TMEM132B: variants seen among roughly 807,000 people sequenced by gnomAD.
TMEM132B encodes transmembrane protein 132B.
TMEM132B carries 18 observed loss-of-function variants against 90.8 expected under a neutral mutation model. That is an observed-to-expected ratio of 0.20 (90% confidence interval 0.14 to 0.29). The LOEUF (loss-of-function observed/expected upper bound fraction) is 0.29, where lower values mean the gene tolerates loss of function less well. Ranked by LOEUF, TMEM132B falls within the 10% of genes least tolerant of loss-of-function variation. TMEM132B has a pLI of 1.00. For missense variants in TMEM132B, 1,096 were observed against 1,326.8 expected (o/e 0.83, Z 2.70); for synonymous variants, 504 against 523.3 (o/e 0.96, Z 0.50).
intron 5 of TMEM132B, among the ~76,000 whole-genome samples, chr12:125,619,311 C>T (rs1177440518): frequency 6.6e-6 from 1 of 151,792 alleles, no homozygotes; most frequent in Non-Finnish European, 1.5e-5. Context: ...GGACCACCTG[C>T]CTGCTGTGGC....
intron 3 of TMEM132B, among the ~76,000 whole-genome samples, chr12:125,430,573 A>T (rs747856906): frequency 4.6e-5 from 7 of 152,166 alleles, no homozygotes; most frequent in Non-Finnish European, 1.0e-4. Flanking sequence ...TGGTAGGTTG[A>T]TGGCCTGGGC....
At chr12:125,552,288 T>G (rs980733058) in intron 4 of TMEM132B, among the ~76,000 whole-genome samples, 2 of 152,206 alleles carry the variant, frequency 1.3e-5, no homozygotes, top group Non-Finnish European at 2.9e-5. Flanking sequence ...CAAGCTTGTG[T>G]TCTTCTGCAG....
intron 5 of TMEM132B, among the ~76,000 whole-genome samples, chr12:125,602,791 C>T (rs1885602224): frequency 6.6e-6 from 1 of 152,092 alleles, no homozygotes; most frequent in Non-Finnish European, 1.5e-5. Flanking sequence ...AATCAATATG[C>T]AAAAATCACA....
At chr12:125,496,345 C>G (rs1162749331) in intron 3 of TMEM132B, among the ~76,000 whole-genome samples, 2 of 152,132 alleles carry the variant, frequency 1.3e-5, no homozygotes, top group African/African-American at 4.8e-5. Context: ...GCACTTGACA[C>G]AATTTATTGC....
intron 1 of TMEM132B, among the ~76,000 whole-genome samples, chr12:125,208,124 C>G (rs530184643): frequency 9.9e-5 from 15 of 152,280 alleles, no homozygotes; most frequent in Admixed American, 8.5e-4. Flanking sequence ...GTACACAGAT[C>G]ACACAGAGCC....
intron 4 of TMEM132B, among the ~76,000 whole-genome samples, chr12:125,545,004 A>G (rs1408985085): frequency 1.3e-5 from 2 of 152,226 alleles, no homozygotes; most frequent in African/African-American, 4.8e-5. Flanking sequence ...TGTGTGATTC[A>G]GAGAATATAA....
intron 3 of TMEM132B, among the ~76,000 whole-genome samples, chr12:125,504,717 A>G (rs1165429518): frequency 6.6e-6 from 1 of 152,178 alleles, no homozygotes; most frequent in African/African-American, 2.4e-5. Context: ...CAAAAGCAGC[A>G]GACACTTGCA....
chr12:125,304,869 T>G (rs1175311058), intron 1 of TMEM132B, among the ~76,000 whole-genome samples: 1 of 152,150 alleles, frequency 6.6e-6, no homozygotes, highest in Admixed American at 6.6e-5. Flanking sequence ...TCTTCTTTGC[T>G]GCTGCTTCAC....
At chr12:125,378,801 G>A (rs1878572039) in intron 2 of TMEM132B, among the ~76,000 whole-genome samples, 1 of 152,188 alleles carries the variant, frequency 6.6e-6, no homozygotes, top group South Asian at 2.1e-4. Flanking sequence ...AGGTGAAAGG[G>A]GCAAGTTGAC....
intron 3 of TMEM132B, among the ~76,000 whole-genome samples, chr12:125,485,710 T>G (rs1246789263): frequency 6.6e-6 from 1 of 152,196 alleles, no homozygotes; most frequent in Non-Finnish European, 1.5e-5. Flanking sequence ...CTGGGTATAT[T>G]CTCCGGAAGC....
At chr12:125,419,182 A>T (rs1190637342) in intron 3 of TMEM132B, among the ~76,000 whole-genome samples, 3 of 152,206 alleles carry the variant, frequency 2.0e-5, no homozygotes, top group Non-Finnish European at 2.9e-5. Flanking sequence ...AGACTTCTTC[A>T]AAAAAACAGG....
intron 4 of TMEM132B, among the ~76,000 whole-genome samples, chr12:125,527,972 C>T (rs948598841): frequency 3.9e-5 from 6 of 152,174 alleles, no homozygotes; most frequent in Admixed American, 2.0e-4. Flanking sequence ...AGCAGAGCAG[C>T]ACAGATGGTC....
chr12:125,200,301 C>CA (rs1487783505), intron 1 of TMEM132B, among the ~76,000 whole-genome samples: 1 of 152,126 alleles, frequency 6.6e-6, no homozygotes, highest in Non-Finnish European at 1.5e-5. Context: ...CCTTTTTGAC[C>CA]AATTTCATAT....
intron 2 of TMEM132B, among the ~76,000 whole-genome samples, chr12:125,399,506 T>C (rs1241270732): frequency 1.4e-5 from 2 of 145,730 alleles, no homozygotes; most frequent in African/African-American, 5.1e-5. Flanking sequence ...TGTGTGTGTG[T>C]GTGTGTGTGT....
intron 2 of TMEM132B, among the ~76,000 whole-genome samples, chr12:125,350,777 T>C (rs1877543714): frequency 6.6e-6 from 1 of 152,226 alleles, no homozygotes; most frequent in South Asian, 2.1e-4. Flanking sequence ...CTTGGGAGGA[T>C]GCGTCTTAGT....
At chr12:125,603,823 C>T (rs1340735796) in intron 5 of TMEM132B, among the ~76,000 whole-genome samples, 2 of 152,180 alleles carry the variant, frequency 1.3e-5, no homozygotes, top group African/African-American at 4.8e-5. Flanking sequence ...GACATTTATG[C>T]AGCCAACAAA....
chr12:125,370,176 A>G (rs549281245), intron 2 of TMEM132B, among the ~76,000 whole-genome samples: 11 of 152,318 alleles, frequency 7.2e-5, no homozygotes, highest in African/African-American at 2.4e-4. Flanking sequence ...AGGAACCCCA[A>G]AGAACACTGA....
intron 2 of TMEM132B, among the ~76,000 whole-genome samples, chr12:125,409,521 C>T (rs1003031260): frequency 6.6e-6 from 1 of 151,800 alleles, no homozygotes; most frequent in Admixed American, 6.6e-5. Flanking sequence ...TAATTGTGTC[C>T]CAAGCCTCAG....
intron 3 of TMEM132B, among the ~76,000 whole-genome samples, chr12:125,515,262 A>G (rs757911681): frequency 6.6e-6 from 1 of 151,574 alleles, no homozygotes; most frequent in Admixed American, 6.6e-5. Context: ...ACACACATTC[A>G]TACATTCACT....
Sources: allele counts gnomAD v4.1 joint callset (sites outside exome capture counted in the v4.1 genomes callset), GRCh38; gene constraint gnomAD v4.1.1; transcripts MANE v1.5; gene names NCBI Gene and HGNC (gene_info 2026-07-23, HGNC 2026-07-21).